The following TLK2 variants were observed in gnomAD, a reference collection of about 807,000 sequenced individuals.
TLK2 encodes the protein serine/threonine-protein kinase tousled-like 2.
TLK2 carries 6 observed loss-of-function variants against 117.3 expected under a neutral mutation model. The ratio of observed to expected loss-of-function variants is 0.05; its 90% CI spans 0.03 to 0.10. The LOEUF is 0.10. TLK2 is among the 10% of genes least tolerant of loss of function. The pLI, the probability that TLK2 is intolerant of heterozygous loss-of-function variation, is 1.00. For synonymous variants in TLK2, 257 were observed against 316.7 expected (o/e 0.81, Z 2.00); for missense variants, 299 against 901.2 (o/e 0.33, Z 8.56).
intron 2 of TLK2, among the ~76,000 whole-genome samples, chr17:62,507,959 A>G (rs1598286100): frequency 1.3e-5 from 2 of 152,206 alleles, no homozygotes. Context: ...ACTCTTGTTC[A>G]TCTTCTAAAC....
intron 2 of TLK2, among the ~76,000 whole-genome samples, chr17:62,512,861 A>ATTTATTATT (rs370355895): frequency 4.3e-5 from 6 of 141,166 alleles, no homozygotes; most frequent in Non-Finnish European, 9.2e-5. Flanking sequence ...AAAATTTATT[A>ATTTATTATT]ATTATTATTA....
chr17:62,593,146 G>A (rs1482226211), intron 16 of TLK2, among the ~76,000 whole-genome samples: 1 of 152,142 alleles, frequency 6.6e-6, no homozygotes, highest in African/African-American at 2.4e-5. Context: ...AGGCAGTTGT[G>A]TTACTAATTG....
intron 2 of TLK2, among the ~76,000 whole-genome samples, chr17:62,482,180 C>T (rs2071738250): frequency 1.3e-5 from 2 of 152,182 alleles, no homozygotes; most frequent in Admixed American, 6.5e-5. Flanking sequence ...AACTCCTGAC[C>T]TCAGGTGATC....
intron 6 of TLK2, among the ~76,000 whole-genome samples, chr17:62,533,102 CTT>C (rs563036321): frequency 1.3e-3 from 205 of 151,874 alleles, no homozygotes; most frequent in African/African-American, 4.7e-3. Context: ...GCATATGTCT[CTT>C]TTGAAATACT....
At chr17:62,496,906 A>G (rs1375489006) in intron 2 of TLK2, among the ~76,000 whole-genome samples, 1 of 150,728 alleles carries the variant, frequency 6.6e-6, no homozygotes, top group Admixed American at 6.6e-5. Flanking sequence ...GCAGTGAGCC[A>G]AGATCGCGCC....
intron 2 of TLK2, among the ~76,000 whole-genome samples, chr17:62,505,047 T>G (rs4058732): frequency 6.6e-6 from 1 of 151,992 alleles, no homozygotes; most frequent in African/African-American, 2.4e-5. Context: ...TGTTGCTGTA[T>G]TGCCCAGGTC....
intron 7 of TLK2, among the ~76,000 whole-genome samples, chr17:62,538,852 A>G (rs1252834720): frequency 6.6e-6 from 1 of 152,240 alleles, no homozygotes; most frequent in Non-Finnish European, 1.5e-5. Flanking sequence ...AGAAAATAGT[A>G]AAAGGGTTAG....
intron 7 of TLK2, among the ~76,000 whole-genome samples, chr17:62,537,323 C>T (rs1333526909): frequency 6.6e-6 from 1 of 152,178 alleles, no homozygotes; most frequent in African/African-American, 2.4e-5. Flanking sequence ...GGAATGTTTT[C>T]TTATAGTTAT....
intron 16 of TLK2, among the ~76,000 whole-genome samples, chr17:62,589,101 C>T (rs2081881029): frequency 6.6e-6 from 1 of 152,124 alleles, no homozygotes; most frequent in African/African-American, 2.4e-5. Flanking sequence ...TTTGTTCTGT[C>T]ACTTCATTCC....
chr17:62,574,470 T>G, intron 12 of TLK2: 1 of 833,232 alleles, frequency 1.2e-6, no homozygotes, highest in East Asian at 2.7e-5. Flanking sequence ...AAAATGTGCA[T>G]AATGAACTTG....
At chr17:62,570,069 C>A (rs540125559) in intron 11 of TLK2, among the ~76,000 whole-genome samples, 1 of 152,182 alleles carries the variant, frequency 6.6e-6, no homozygotes, top group Non-Finnish European at 1.5e-5. Flanking sequence ...TGTGTCTTCT[C>A]TTCTCATAAG....
rs2076083446 is a variant in TLK2 at position 62,522,070 on chromosome 17, G to A, written c.154-134G>A. On this transcript the variant is annotated intron_variant, in intron 3 of 21. Coordinates refer to ENST00000346027, the MANE Select transcript of TLK2 (RefSeq NM_006852.6). ...TCTTTGTTATACTCAGTTTTAAGAG[G>A]AAGACAGTGATTCAGGACTTGTCTG... is the stretch of plus-strand genomic sequence containing the variant. 5 of 901,560 alleles carry A rather than the reference G, an allele frequency of 5.5e-6. No homozygotes were observed. In the South Asian group the frequency reaches 9.0e-5, roughly 16 times the overall value. 55.8% of individuals were successfully genotyped at this position (901,560 alleles called of 1,614,324 possible). A position where few individuals can be genotyped will look rare whatever the true frequency, so the allele number is the denominator to read the frequency against.
intron 2 of TLK2, among the ~76,000 whole-genome samples, chr17:62,490,665 C>G (rs1385825772): frequency 2.6e-5 from 4 of 152,156 alleles, no homozygotes; most frequent in Non-Finnish European, 2.9e-5. Flanking sequence ...CCTCAGCCTC[C>G]CAAGTAGCTG....
At chr17:62,606,019 A>C (rs1388764711) in intron 19 of TLK2, 111 bp from the exon 20 acceptor site, 5 of 474,154 alleles carry the variant, frequency 1.1e-5, no homozygotes, top group Admixed American at 3.9e-5. Context: ...AAAAAAAAAA[A>C]AAAAAAACGA....
chr17:62,559,199 T>C (rs2079071245), intron 9 of TLK2, among the ~76,000 whole-genome samples: 1 of 152,134 alleles, frequency 6.6e-6, no homozygotes, highest in South Asian at 2.1e-4. Flanking sequence ...TGTTTGTTTG[T>C]TCTGTCTTTT....
intron 2 of TLK2, among the ~76,000 whole-genome samples, chr17:62,502,602 A>T (rs1251531555): frequency 2.0e-5 from 3 of 152,250 alleles, no homozygotes; most frequent in Non-Finnish European, 4.4e-5. Flanking sequence ...AAAACTATTT[A>T]TTCTTTAGAT....
intron 7 of TLK2, among the ~76,000 whole-genome samples, chr17:62,543,851 G>A (rs918420699): frequency 1.3e-5 from 2 of 151,828 alleles, no homozygotes; most frequent in African/African-American, 4.8e-5. Context: ...CAATTTATCT[G>A]TTTTTTTTCT....
intron 15 of TLK2, among the ~76,000 whole-genome samples, chr17:62,580,411 T>C (rs555646351): frequency 5.9e-5 from 9 of 151,478 alleles, no homozygotes; most frequent in African/African-American, 1.5e-4. Flanking sequence ...TAAATAATTA[T>C]AGATTTAAAA....
chr17:62,542,954 A>G lies in TLK2; in HGVS notation c.531+6617A>G, dbSNP rs544335915. 3.3e-5 allele frequency among the ~76,000 whole-genome samples: 5 copies of G among 152,360 alleles called. No individual in the cohort carries two copies. The East Asian group carries it at 9.6e-4, about 29-fold the overall frequency. ...TGTTAACATTTTGCTAGATAGCGAAATTAGCATTATAACATGTCTATTAGC... is the reference window on the plus strand; with the variant it reads ...TGTTAACATTTTGCTAGATAGCGAAGTTAGCATTATAACATGTCTATTAGC... On this transcript the variant is annotated intron_variant, in intron 7 of 21. Transcript: ENST00000346027.
Sources: gnomAD v4.1 joint callset for allele counts (sites outside exome capture counted in the v4.1 genomes callset) on GRCh38, gnomAD v4.1.1 for gene constraint, MANE v1.5 for transcripts, NCBI Gene and HGNC (gene_info 2026-07-23, HGNC 2026-07-21) for gene names.